Variants in PLCB1 observed in about 807,000 individuals in gnomAD.
PLCB1 encodes the protein phospholipase C beta 1, also known as 1-phosphatidylinositol 4,5-bisphosphate phosphodiesterase beta-1.
A neutral mutation model predicts 161.8 loss-of-function variants in PLCB1; 46 were observed. That is an observed-to-expected ratio of 0.28 (90% CI 0.22 to 0.36). PLCB1 has a LOEUF of 0.36. PLCB1 is among the 10% of genes least tolerant of loss of function. The probability of loss-of-function intolerance (pLI) is 1.00; values close to 1 mark genes in which losing one functional copy is unlikely to be tolerated. For synonymous variants in PLCB1, 517 were observed against 503.7 expected (o/e 1.03, Z -0.35); for missense variants, 1,016 against 1,472.5 (o/e 0.69, Z 5.07).
At chr20:8,784,307 A>G (rs1347134066) in intron 27 of PLCB1, among the ~76,000 whole-genome samples, 1 of 151,926 alleles carries the variant, frequency 6.6e-6, no homozygotes, top group African/African-American at 2.4e-5. Flanking sequence ...TCACACCTGT[A>G]ATCCCAGCAC....
At chr20:8,398,391 G>C (rs1978385273) in intron 3 of PLCB1, among the ~76,000 whole-genome samples, 1 of 151,946 alleles carries the variant, frequency 6.6e-6, no homozygotes, top group Admixed American at 6.6e-5. Context: ...TAGTCACTTT[G>C]GGCTTCTGTA....
At chr20:8,320,289 TCCACGTAATAGC>T (rs1984852747) in intron 2 of PLCB1, among the ~76,000 whole-genome samples, 1 of 152,204 alleles carries the variant, frequency 6.6e-6, no homozygotes. Flanking sequence ...CTACAAAACA[TCCACGTAATAGC>T]AGTTAATACT....
At chr20:8,238,440 C>T (rs1980434778) in intron 2 of PLCB1, among the ~76,000 whole-genome samples, 1 of 151,986 alleles carries the variant, frequency 6.6e-6, no homozygotes, top group South Asian at 2.1e-4. Flanking sequence ...ATTCTCTTAT[C>T]TGAAGTTAAG....
At chr20:8,317,639 G>A (rs2122146863) in intron 2 of PLCB1, among the ~76,000 whole-genome samples, 1 of 151,426 alleles carries the variant, frequency 6.6e-6, no homozygotes, top group South Asian at 2.1e-4. Context: ...CCCCAGTTTT[G>A]ACCAGAATTG....
chr20:8,864,136 T>C (rs1987347151), intron 31 of PLCB1, among the ~76,000 whole-genome samples: 1 of 152,180 alleles, frequency 6.6e-6, no homozygotes, highest in Non-Finnish European at 1.5e-5. Context: ...TATTTTAAAA[T>C]TTGATTTGAA....
chr20:8,768,668 T>A (rs1982504333), intron 26 of PLCB1, among the ~76,000 whole-genome samples: 3 of 152,200 alleles, frequency 2.0e-5, no homozygotes, highest in Non-Finnish European at 4.4e-5. Flanking sequence ...CCAAGTAACC[T>A]GGCCAGGGGC....
At chr20:8,585,314 C>T (rs555866368) in intron 3 of PLCB1, among the ~76,000 whole-genome samples, 8 of 152,176 alleles carry the variant, frequency 5.3e-5, no homozygotes, top group African/African-American at 9.7e-5. Flanking sequence ...CCATAAGCTG[C>T]GGTCTGATGG....
At chr20:8,297,442 G>A (rs148871770) in intron 2 of PLCB1, among the ~76,000 whole-genome samples, 1,876 of 152,046 alleles carry the variant, frequency 0.012, 18 homozygotes, top group Middle Eastern at 0.034. Context: ...TGAGTACATC[G>A]ATATACAAAT....
chr20:8,557,998 G>A (rs2123013607), intron 3 of PLCB1, among the ~76,000 whole-genome samples: 1 of 151,918 alleles, frequency 6.6e-6, no homozygotes, highest in Admixed American at 6.6e-5. Flanking sequence ...CAAAACGGGT[G>A]ATTACCAGAG....
At position 8,760,449 on chromosome 20, in the gene PLCB1, G is replaced by A. The variant is rs1981962472; in HGVS notation, c.2699G>A (p.Ser900Asn). 1.2e-6 allele frequency: 2 copies of A among 1,610,530 alleles called. No homozygotes were observed. Among genetic ancestry groups the A allele is most frequent in the Middle Eastern group, 1.7e-4 (1 of 6,058 alleles). The change falls in exon 25 of 32, where the codon AGT (serine) becomes AAT (asparagine). Residue 900 changes from serine (S) to asparagine (N), a missense_variant. Physicochemically the swap from Ser to Asn is conservative, Grantham distance 46 (BLOSUM62 1). Transcript: ENST00000338037. ...GCCAAAACAGAAGATCTTATTCAGA[G>A]TGTCTTAACAGGTAAATGCCACCCT... ...APAKTEDLIQ[S>N]VLTEVEAQTI...
chr20:8,366,920 C>G (rs2122323198), intron 2 of PLCB1, among the ~76,000 whole-genome samples: 1 of 152,252 alleles, frequency 6.6e-6, no homozygotes, highest in South Asian at 2.1e-4. Flanking sequence ...CTTTATTCCA[C>G]TTTTCTAAAG....
intron 27 of PLCB1, among the ~76,000 whole-genome samples, chr20:8,776,906 T>C (rs927305177): frequency 2.0e-5 from 3 of 151,946 alleles, no homozygotes; most frequent in Admixed American, 2.0e-4. Context: ...TGGGGAAGGA[T>C]GATGAGGATG....
At chr20:8,139,099 T>TG in intron 1 of PLCB1, among the ~76,000 whole-genome samples, 1 of 142,280 alleles carries the variant, frequency 7.0e-6, no homozygotes, top group African/African-American at 2.6e-5. Flanking sequence ...TTTTTTTTTT[T>TG]TTTTTGAGAC....
At chr20:8,768,828 T>C (rs1982514537) in intron 26 of PLCB1, among the ~76,000 whole-genome samples, 1 of 152,226 alleles carries the variant, frequency 6.6e-6, no homozygotes, top group Non-Finnish European at 1.5e-5. Context: ...ATCTTCTATC[T>C]CTATACAACA....
At chr20:8,370,674 A>G (rs2122340546) in intron 2 of PLCB1, among the ~76,000 whole-genome samples, 1 of 152,246 alleles carries the variant, frequency 6.6e-6, no homozygotes, top group South Asian at 2.1e-4. Flanking sequence ...AGCCCCTAGG[A>G]AAAAAACTGT....
chr20:8,414,301 A>G (rs57344992), intron 3 of PLCB1, among the ~76,000 whole-genome samples: 9,552 of 152,214 alleles, frequency 0.063, 905 homozygotes, highest in African/African-American at 0.21. Context: ...CATATAAGCC[A>G]TATCAAATTT....
chr20:8,402,718 G>A (rs151145155), intron 3 of PLCB1, among the ~76,000 whole-genome samples: 43 of 151,522 alleles, frequency 2.8e-4, no homozygotes, highest in African/African-American at 8.5e-4. Context: ...GGTGGTGGGC[G>A]CCTGTAGTCC....
At chr20:8,815,422 T>G (rs935297039) in intron 31 of PLCB1, among the ~76,000 whole-genome samples, 2 of 152,212 alleles carry the variant, frequency 1.3e-5, no homozygotes, top group African/African-American at 4.8e-5. Context: ...TGATGGGCCA[T>G]GGGCAAGTTA....
intron 2 of PLCB1, among the ~76,000 whole-genome samples, chr20:8,309,252 A>G (rs1600303680): frequency 6.6e-6 from 1 of 152,196 alleles, no homozygotes; most frequent in South Asian, 2.1e-4. Flanking sequence ...TTTTCTAAAA[A>G]TGATTTGATT....
Sources: allele counts gnomAD v4.1 joint callset (sites outside exome capture counted in the v4.1 genomes callset), GRCh38; gene constraint gnomAD v4.1.1; transcripts MANE v1.5; gene names NCBI Gene and HGNC (gene_info 2026-07-23, HGNC 2026-07-21).